The following LRP1B variants were observed in gnomAD, a reference collection of about 807,000 sequenced individuals.
LRP1B encodes the protein low-density lipoprotein receptor-related protein 1B.
LRP1B carries 217 observed loss-of-function variants against 556.6 expected under a neutral mutation model. The ratio of observed to expected loss-of-function variants is 0.39; its 90% CI spans 0.35 to 0.44. LRP1B has a LOEUF of 0.44. Among genes scored for constraint, LRP1B ranks in the 20% least tolerant of loss-of-function variants. The probability of loss-of-function intolerance (pLI) is 1.00; values close to 1 mark genes in which losing one functional copy is unlikely to be tolerated. For synonymous variants in LRP1B, 2,047 were observed against 1,865.8 expected, an observed-to-expected ratio of 1.10 and a Z score of -2.50; for missense variants, 5,053 against 5,620.8, an observed-to-expected ratio of 0.90 and a Z score of 3.23.
intron 12 of LRP1B, among the ~76,000 whole-genome samples, chr2:141,016,600 A>T (rs1337456498): frequency 6.6e-6 from 1 of 152,108 alleles, no homozygotes. Flanking sequence ...TTTAATGTCT[A>T]TCTCAAACAA....
chr2:140,772,229 A>C (rs1475642472), intron 33 of LRP1B, among the ~76,000 whole-genome samples: 3 of 151,662 alleles, frequency 2.0e-5, no homozygotes, highest in Non-Finnish European at 4.4e-5. Flanking sequence ...GTATAACATT[A>C]AGATGAAATT....
At chr2:140,467,189 A>G (rs1420331551) in intron 60 of LRP1B, among the ~76,000 whole-genome samples, 1 of 152,176 alleles carries the variant, frequency 6.6e-6, no homozygotes, top group African/African-American at 2.4e-5. Flanking sequence ...TCTTATATTC[A>G]GGGAATGTAG....
At chr2:141,195,124 T>A (rs1227749530) in intron 6 of LRP1B, among the ~76,000 whole-genome samples, 2 of 152,106 alleles carry the variant, frequency 1.3e-5, no homozygotes, top group Non-Finnish European at 2.9e-5. Flanking sequence ...GGAGTATGAT[T>A]TCTGAGGGTA....
chr2:140,327,102 GTTAAATACC>G (rs2105067288), intron 79 of LRP1B, among the ~76,000 whole-genome samples: 1 of 152,188 alleles, frequency 6.6e-6, no homozygotes, highest in South Asian at 2.1e-4. Flanking sequence ...GTACAATGCA[GTTAAATACC>G]TTAGGCAACT....
chr2:141,168,686 T>G (rs1558907030), intron 7 of LRP1B, among the ~76,000 whole-genome samples: 1 of 152,080 alleles, frequency 6.6e-6, no homozygotes, highest in Non-Finnish European at 1.5e-5. Flanking sequence ...TCCAGAAATC[T>G]ACAATTCTAA....
intron 3 of LRP1B, among the ~76,000 whole-genome samples, chr2:141,453,301 G>T (rs756175334): frequency 3.9e-5 from 6 of 152,044 alleles, no homozygotes; most frequent in Non-Finnish European, 8.8e-5. Flanking sequence ...TACATATTTA[G>T]ATATTCTTTC....
chr2:140,766,680 T>C (rs1414081027), intron 35 of LRP1B, among the ~76,000 whole-genome samples: 1 of 151,118 alleles, frequency 6.6e-6, no homozygotes, highest in East Asian at 1.9e-4. Flanking sequence ...TTAACCTGTG[T>C]TTATTGCCCC....
At chr2:141,546,375 G>A (rs1445006066) in intron 2 of LRP1B, among the ~76,000 whole-genome samples, 1 of 152,108 alleles carries the variant, frequency 6.6e-6, no homozygotes, top group Non-Finnish European at 1.5e-5. Flanking sequence ...GAAACCCTGG[G>A]TATCTAACTG....
chr2:140,813,789 CAT>C lies in LRP1B; in HGVS notation c.5225_5226del (p.Tyr1742CysfsTer17). 6.2e-7 allele frequency: 1 copy of C among 1,608,130 alleles called. No homozygotes were observed. Among genetic ancestry groups the C allele is most frequent in the Non-Finnish European group, 8.5e-7 (1 of 1,175,128 alleles). On this transcript the variant is annotated frameshift_variant, in exon 32 of 91. Transcript: ENST00000389484. LOFTEE classifies it high-confidence loss of function. ...CTGATCCAATAAAGCTTGTTTTCCACATAGTCTATCGATAGACCTGTAATTAA... is the reference window on the plus strand; with the variant it reads ...CTGATCCAATAAAGCTTGTTTTCCACAGTCTATCGATAGACCTGTAATTAA... ...QKEPVGLSIDYVENKLYWISS... is the reference protein window; with the variant it reads ...QKEPVGLSIDXVENKLYWISS...
chr2:141,413,928 GAAGAGAAA>G (rs1349530438), intron 3 of LRP1B, among the ~76,000 whole-genome samples: 1 of 149,634 alleles, frequency 6.7e-6, no homozygotes, highest in Non-Finnish European at 1.5e-5. Context: ...GAACAGAAGA[GAAGAGAAA>G]AAGAGAGAAA....
chr2:140,631,702 G>C (rs1382091647), intron 41 of LRP1B, among the ~76,000 whole-genome samples: 1 of 152,080 alleles, frequency 6.6e-6, no homozygotes, highest in Non-Finnish European at 1.5e-5. Context: ...TATTGGAAAA[G>C]AAATGAGAAG....
chr2:141,579,724 C>CTTTTTTTTTTTTTTTTTTTTTTTTTT lies in LRP1B; in HGVS notation c.206-99192_206-99191insAAAAAAAAAAAAAAAAAAAAAAAAAA, dbSNP rs33913417. 1.1e-3 allele frequency among the ~76,000 whole-genome samples: 111 copies of CTTTTTTTTTTTTTTTTTTTTTTTTTT among 100,958 alleles called. 16 individuals are homozygous for CTTTTTTTTTTTTTTTTTTTTTTTTTT. The highest frequency in any genetic ancestry group is 1.8e-3 in the African/African-American group (41 of 22,474). The allele number at this position is 100,958 out of a possible 152,430, so 66.2% of individuals were successfully genotyped here. A position where few individuals can be genotyped will look rare whatever the true frequency, so the allele number is the denominator to read the frequency against. On this transcript the variant is annotated intron_variant, in intron 2 of 90. Transcript: ENST00000389484. ...CATAAGGAAAACATATCAGGTTTCA[C>CTTTTTTTTTTTTTTTTTTTTTTTTTT]TTTTTTTTTTTTTTTTTTGAGACGG...
intron 1 of LRP1B, among the ~76,000 whole-genome samples, chr2:142,002,686 A>G (rs1296024972): frequency 1.3e-5 from 2 of 152,080 alleles, no homozygotes; most frequent in Admixed American, 6.6e-5. Context: ...CAAGAGTCCT[A>G]TAAAAAGTGA....
intron 77 of LRP1B, among the ~76,000 whole-genome samples, chr2:140,345,154 G>C (rs929568470): frequency 6.6e-6 from 1 of 151,566 alleles, no homozygotes; most frequent in Non-Finnish European, 1.5e-5. Flanking sequence ...CTACCCACTT[G>C]ATACCAGAAG....
At chr2:141,931,318 GA>G (rs941805682) in intron 1 of LRP1B, among the ~76,000 whole-genome samples, 4 of 151,966 alleles carry the variant, frequency 2.6e-5, no homozygotes, top group African/African-American at 9.7e-5. Context: ...TGTATGTGAG[GA>G]GGGGTGGAGG....
chr2:140,954,271 A>T (rs1484124678), intron 18 of LRP1B, among the ~76,000 whole-genome samples: 1 of 152,186 alleles, frequency 6.6e-6, no homozygotes, highest in African/African-American at 2.4e-5. Context: ...TGCAGTGTAG[A>T]AGATGTACTG....
Position 140,591,209 on chromosome 2 carries a change from G to A in LRP1B, c.7194+7422C>T, listed in dbSNP as rs146605296. 1.4e-4 allele frequency among the ~76,000 whole-genome samples: 22 copies of A among 152,280 alleles called. No individual in the cohort carries two copies. In the East Asian group the frequency reaches 4.2e-3, roughly 29 times the overall value. On this transcript the variant is annotated intron_variant, in intron 43 of 90. Coordinates refer to ENST00000389484, the MANE Select transcript of LRP1B (RefSeq NM_018557.3). ...AAATGTCAAAGACAACAAAACGTCCGATATCCAGCAGCCTCTCAGAATTTA... is the reference window on the plus strand; with the variant it reads ...AAATGTCAAAGACAACAAAACGTCCAATATCCAGCAGCCTCTCAGAATTTA...
At chr2:140,927,529 A>G (rs929731574) in intron 20 of LRP1B, among the ~76,000 whole-genome samples, 2 of 152,260 alleles carry the variant, frequency 1.3e-5, no homozygotes, top group African/African-American at 4.8e-5. Context: ...ATAATAATCA[A>G]AAAGCATTTA....
At chr2:142,082,038 T>C (rs1430990165) in intron 1 of LRP1B, among the ~76,000 whole-genome samples, 1 of 152,230 alleles carries the variant, frequency 6.6e-6, no homozygotes, top group Non-Finnish European at 1.5e-5. Context: ...AGTCATCAAA[T>C]GCTGATGCTC....
Sources: gnomAD v4.1 joint callset for allele counts (sites outside exome capture counted in the v4.1 genomes callset) on GRCh38, gnomAD v4.1.1 for gene constraint, MANE v1.5 for transcripts, NCBI Gene and HGNC (gene_info 2026-07-23, HGNC 2026-07-21) for gene names.